Variants in MIS18BP1 observed in about 807,000 individuals in gnomAD.
The protein encoded by MIS18BP1 is mis18-binding protein 1.
In MIS18BP1, 72 loss-of-function variants were observed where a neutral mutation model predicts 116.1. That is an observed-to-expected ratio of 0.62 (90% confidence interval 0.51 to 0.75). The LOEUF is 0.75. Among genes scored for constraint, MIS18BP1 ranks in the 30% least tolerant of loss-of-function variants. MIS18BP1 has a pLI of 0.00. For missense variants in MIS18BP1, 1,363 were observed against 1,303.2 expected (o/e 1.05, Z -0.71); for synonymous variants, 386 against 427.0 (o/e 0.90, Z 1.18).
At chr14:45,237,539 C>T (rs1891462250) in intron 5 of MIS18BP1, 109 bp downstream of exon 5, 2 of 1,341,446 alleles carry the variant, frequency 1.5e-6, no homozygotes, top group African/African-American at 1.6e-5. Context: ...CAGTTCATAA[C>T]CTTGTTAGGT....
intron 8 of MIS18BP1, among the ~76,000 whole-genome samples, chr14:45,228,271 C>T (rs532607684): frequency 3.3e-4 from 51 of 152,262 alleles, no homozygotes; most frequent in African/African-American, 4.6e-4. Context: ...TATAGCGCTA[C>T]GCTACATTTT....
At chr14:45,205,531 T>C (rs1890490867) in intron 15 of MIS18BP1, among the ~76,000 whole-genome samples, 1 of 152,194 alleles carries the variant, frequency 6.6e-6, no homozygotes, top group Admixed American at 6.5e-5. Context: ...ACTGTCCTAA[T>C]CTTTTCTCTA....
chr14:45,245,835 C>G (rs1162593875), intron 2 of MIS18BP1, among the ~76,000 whole-genome samples: 1 of 152,170 alleles, frequency 6.6e-6, no homozygotes, highest in Non-Finnish European at 1.5e-5. Context: ...ACCTTGATCA[C>G]TTCTCTAAAT....
chr14:45,235,044 C>T (rs1019991260), intron 6 of MIS18BP1, among the ~76,000 whole-genome samples: 1 of 151,722 alleles, frequency 6.6e-6, no homozygotes, highest in Non-Finnish European at 1.5e-5. Flanking sequence ...ATGGTGACAC[C>T]CTGTCTCAAA....
At chr14:45,233,369 A>G (rs1017589419) in intron 6 of MIS18BP1, among the ~76,000 whole-genome samples, 2 of 152,134 alleles carry the variant, frequency 1.3e-5, no homozygotes, top group Non-Finnish European at 2.9e-5. Flanking sequence ...ATGAGAGATT[A>G]TAATATAAGG....
intron 1 of MIS18BP1, among the ~76,000 whole-genome samples, chr14:45,249,362 A>G (rs1891808281): frequency 6.6e-6 from 1 of 152,068 alleles, no homozygotes; most frequent in Admixed American, 6.5e-5. Flanking sequence ...CTGGGATTAC[A>G]GGCATGAGCC....
Position 45,227,704 on chromosome 14 carries a change from T to C in MIS18BP1, c.1705A>G (p.Asn569Asp). The C allele has an allele frequency of 6.2e-7, 1 of 1,613,786 alleles. No individual in the cohort carries two copies. The highest frequency in any genetic ancestry group is 1.1e-5 in the South Asian group (1 of 91,068). The part of the protein sequence containing the change: ...TLRFPDDQVN[N>D]TIQNGGGDDL... ...TCTCCTCCTCCATTTTGAATAGTATTATTTACTTGGTCATCTGGGAACCTT... is the reference window on the plus strand; with the variant it reads ...TCTCCTCCTCCATTTTGAATAGTATCATTTACTTGGTCATCTGGGAACCTT... Residue 569 changes from asparagine to aspartate, a missense_variant, in exon 9 of 17, where the codon AAT (asparagine) becomes GAT (aspartate). Coordinates refer to ENST00000310806, the MANE Select transcript of MIS18BP1 (RefSeq NM_018353.5).
chr14:45,233,650 T>G (rs1891348229), intron 6 of MIS18BP1, among the ~76,000 whole-genome samples: 1 of 152,096 alleles, frequency 6.6e-6, no homozygotes, highest in Non-Finnish European at 1.5e-5. Context: ...TGGAGATATA[T>G]TAATAGGATG....
At chr14:45,219,271 T>G (rs570650873) in intron 11 of MIS18BP1, among the ~76,000 whole-genome samples, 6 of 152,354 alleles carry the variant, frequency 3.9e-5, no homozygotes, top group Non-Finnish European at 7.3e-5. Context: ...TTAATAGATA[T>G]AGGTTTCATG....
intron 9 of MIS18BP1, among the ~76,000 whole-genome samples, chr14:45,227,429 C>A (rs541463718): frequency 6.6e-6 from 1 of 151,956 alleles, no homozygotes; most frequent in Admixed American, 6.6e-5. Flanking sequence ...ATCACTCGAA[C>A]CCAGGAGGTG....
At chr14:45,214,011 C>T (rs1177122307) in intron 13 of MIS18BP1, among the ~76,000 whole-genome samples, 3 of 152,314 alleles carry the variant, frequency 2.0e-5, no homozygotes, top group East Asian at 3.9e-4. Flanking sequence ...ACACAATACA[C>T]TGCAGAAGGC....
At chr14:45,252,507 C>G (rs1891904476) in intron 1 of MIS18BP1, among the ~76,000 whole-genome samples, 1 of 152,092 alleles carries the variant, frequency 6.6e-6, no homozygotes, top group Non-Finnish European at 1.5e-5. Flanking sequence ...ATGAAGTGGC[C>G]TACCATTTTC....
intron 1 of MIS18BP1, among the ~76,000 whole-genome samples, chr14:45,252,579 G>A (rs1891906809): frequency 6.6e-6 from 1 of 152,100 alleles, no homozygotes; most frequent in African/African-American, 2.4e-5. Context: ...GATCACAGGC[G>A]TGTGCCACCG....
chr14:45,232,026 A>C (rs976919348), intron 7 of MIS18BP1, among the ~76,000 whole-genome samples: 1 of 152,232 alleles, frequency 6.6e-6, no homozygotes, highest in East Asian at 1.9e-4. Context: ...ACATATGTCA[A>C]AAGTTTTATT....
chr14:45,250,529 CAGAT>C (rs200929923), intron 1 of MIS18BP1, among the ~76,000 whole-genome samples: 3,732 of 152,308 alleles, frequency 0.025, 76 homozygotes, highest in African/African-American at 0.059. Context: ...GTTGACCTAA[CAGAT>C]GGAGGTCACT....
At chr14:45,230,139 G>A (rs1490808835) in intron 8 of MIS18BP1, among the ~76,000 whole-genome samples, 1 of 152,182 alleles carries the variant, frequency 6.6e-6, no homozygotes, top group Non-Finnish European at 1.5e-5. Flanking sequence ...TGGAAGTTCT[G>A]TAAAGCTCTT....
rs762987606 is a variant in MIS18BP1 at position 45,224,194 on chromosome 14, T to G, written c.2393A>C (p.Glu798Ala). The stretch of plus-strand genomic sequence containing the variant: ...GCTCTTTCTCAGGTGAACCACTGCT[T>G]CTTTGGTGTTTCCTGCTTTGGTTTT... ...VKKTKAGNTKEAVVHLRKSTR... is the reference protein window; with the variant it reads ...VKKTKAGNTKAAVVHLRKSTR... The change falls in exon 11 of 17, where the codon GAA becomes GCA. Residue 798 changes from glutamate (E) to alanine (A), a missense_variant. By Grantham distance (107) the Glu-to-Ala change is moderately radical. Transcript: ENST00000310806. 8.7e-6 allele frequency: 14 copies of G among 1,614,078 alleles called. No individual in the cohort carries two copies. Among genetic ancestry groups the G allele is most frequent in the Non-Finnish European group, 1.2e-5 (14 of 1,180,020 alleles).
At chr14:45,210,656 G>A in intron 13 of MIS18BP1, 128 bp from the exon 14 acceptor site, 2 of 1,117,358 alleles carry the variant, frequency 1.8e-6, no homozygotes, top group Non-Finnish European at 2.6e-6. Flanking sequence ...ATTAAAAACA[G>A]TAGTACGTAG....
chr14:45,236,674 A>T (rs1383972175), intron 5 of MIS18BP1, among the ~76,000 whole-genome samples: 1 of 152,182 alleles, frequency 6.6e-6, no homozygotes, highest in African/African-American at 2.4e-5. Context: ...ACTTCTCTTC[A>T]ATTCTCTTTT....
Sources: gnomAD v4.1 joint callset for allele counts (sites outside exome capture counted in the v4.1 genomes callset) on GRCh38, gnomAD v4.1.1 for gene constraint, MANE v1.5 for transcripts, NCBI Gene and HGNC (gene_info 2026-07-23, HGNC 2026-07-21) for gene names.